Variants in STX17 observed in about 807,000 individuals in gnomAD.
STX17 encodes syntaxin-17.
STX17 carries 29 observed loss-of-function variants against 35.9 expected under a neutral mutation model. That is an observed-to-expected ratio of 0.81 (90% CI 0.60 to 1.10). The LOEUF (loss-of-function observed/expected upper bound fraction) is 1.10. Among genes scored for constraint, STX17 ranks in the 50% least tolerant of loss-of-function variants. The pLI is 0.00. For synonymous variants in STX17, 92 were observed against 118.3 expected (o/e 0.78, Z 1.44); for missense variants, 312 against 352.3 (o/e 0.89, Z 0.92).
intron 2 of STX17, among the ~76,000 whole-genome samples, chr9:99,927,948 A>T (rs150292544): frequency 6.6e-6 from 1 of 152,120 alleles, no homozygotes; most frequent in African/African-American, 2.4e-5. Flanking sequence ...TACTCTTATA[A>T]TGTATGTTTT....
intron 3 of STX17, among the ~76,000 whole-genome samples, chr9:99,948,676 G>T (rs1483391648): frequency 6.6e-6 from 1 of 152,092 alleles, no homozygotes; most frequent in Non-Finnish European, 1.5e-5. Flanking sequence ...TTTAAGTGTT[G>T]ATTAAAATTT....
At chr9:99,915,396 T>C in intron 2 of STX17, 34 bp downstream of exon 2, 1 of 1,568,334 alleles carries the variant, frequency 6.4e-7, no homozygotes, top group Non-Finnish European at 8.6e-7. Context: ...CAAGAAATAG[T>C]TACATAGTTT....
At chr9:99,946,061 C>T (rs1160272561) in intron 3 of STX17, among the ~76,000 whole-genome samples, 5 of 152,082 alleles carry the variant, frequency 3.3e-5, no homozygotes, top group South Asian at 2.1e-4. Context: ...CCAGCCTGGG[C>T]GATAGAGCAA....
Position 99,969,664 on chromosome 9 carries a change from G to A in STX17, c.*991G>A, listed in dbSNP as rs911701069. The A allele has an allele frequency of 6.6e-6, 1 of 152,310 alleles. No individual in the cohort carries two copies. Among genetic ancestry groups the A allele is most frequent in the Non-Finnish European group, 1.5e-5 (1 of 67,990 alleles). The allele number at this position is 152,310 out of a possible 1,614,324, so 9.4% of individuals were successfully genotyped here. A position where few individuals can be genotyped will look rare whatever the true frequency, so the allele number is the denominator to read the frequency against. On this transcript the variant is annotated 3_prime_UTR_variant, in exon 8 of 8. Transcript: ENST00000259400. Reference sequence around the variant, plus strand: ...GGGGCATGTTCCAGTTTTGAGGGGTGATATATCTGCCAGATAGGGGGTATC... The same window carrying A: ...GGGGCATGTTCCAGTTTTGAGGGGTAATATATCTGCCAGATAGGGGGTATC...
At chr9:99,915,124 A>G (rs1260556185) in intron 1 of STX17, 54 bp from the exon 2 acceptor site, 1 of 1,219,324 alleles carries the variant, frequency 8.2e-7, no homozygotes, top group Non-Finnish European at 1.1e-6. Context: ...GTTGGCTTTT[A>G]AAAATAGTGG....
intron 2 of STX17, 55 bp downstream of exon 2, chr9:99,915,417 G>T: frequency 6.6e-7 from 1 of 1,525,756 alleles, no homozygotes; most frequent in South Asian, 1.3e-5. Flanking sequence ...GATTTATATT[G>T]GTTGTTCATT....
intron 2 of STX17, among the ~76,000 whole-genome samples, chr9:99,928,422 A>G (rs947338435): frequency 3.4e-5 from 5 of 147,340 alleles, no homozygotes; most frequent in African/African-American, 5.4e-5. Context: ...CAATAAGAAT[A>G]TCTTATGAAC....
chr9:99,928,113 A>T (rs1829027027), intron 2 of STX17, among the ~76,000 whole-genome samples: 1 of 152,186 alleles, frequency 6.6e-6, no homozygotes, highest in African/African-American at 2.4e-5. Context: ...TCCAATAAAA[A>T]TAACATATGA....
intron 2 of STX17, among the ~76,000 whole-genome samples, chr9:99,922,995 CAAAT>C (rs1455832346): frequency 6.6e-6 from 1 of 152,160 alleles, no homozygotes; most frequent in African/African-American, 2.4e-5. Flanking sequence ...GTGACATTGA[CAAAT>C]AAACCTCTCA....
chr9:99,943,747 A>G (rs1829417584), intron 3 of STX17, among the ~76,000 whole-genome samples: 1 of 152,194 alleles, frequency 6.6e-6, no homozygotes, highest in African/African-American at 2.4e-5. Context: ...AATCTTGTTT[A>G]TAGTGCGTGA....
At chr9:99,952,567 A>G (rs1266550078) in intron 4 of STX17, among the ~76,000 whole-genome samples, 2 of 152,212 alleles carry the variant, frequency 1.3e-5, no homozygotes, top group African/African-American at 4.8e-5. Context: ...GCTGCTATAA[A>G]GACACATGCA....
intron 1 of STX17, among the ~76,000 whole-genome samples, chr9:99,914,448 C>G (rs889566804): frequency 6.6e-6 from 1 of 152,136 alleles, no homozygotes; most frequent in Non-Finnish European, 1.5e-5. Context: ...ACTCTGGCCC[C>G]AAATGCATAC....
At chr9:99,911,858 T>G (rs1828672121) in intron 1 of STX17, among the ~76,000 whole-genome samples, 1 of 152,232 alleles carries the variant, frequency 6.6e-6, no homozygotes, top group Admixed American at 6.5e-5. Context: ...ATTACAGCTA[T>G]GAGCCAGCGT....
At chr9:99,939,445 C>A (rs768487286) in intron 3 of STX17, among the ~76,000 whole-genome samples, 8 of 152,110 alleles carry the variant, frequency 5.3e-5, no homozygotes, top group African/African-American at 1.4e-4. Flanking sequence ...TCTAAAACAT[C>A]GTCAGTTGTA....
intron 6 of STX17, among the ~76,000 whole-genome samples, chr9:99,966,126 A>C (rs934681079): frequency 1.1e-4 from 17 of 152,350 alleles, no homozygotes; most frequent in African/African-American, 3.6e-4. Context: ...GCTTCATCCC[A>C]GGCCTACTGG....
intron 3 of STX17, among the ~76,000 whole-genome samples, chr9:99,943,073 T>C (rs1829398659): frequency 6.6e-6 from 1 of 151,932 alleles, no homozygotes; most frequent in African/African-American, 2.4e-5. Flanking sequence ...AAAGTATCAA[T>C]TAACCTTTTG....
At chr9:99,940,901 A>G (rs956467205) in intron 3 of STX17, among the ~76,000 whole-genome samples, 1 of 152,254 alleles carries the variant, frequency 6.6e-6, no homozygotes, top group Admixed American at 6.5e-5. Flanking sequence ...TTCCTAAAGA[A>G]TCTCTAATCC....
intron 3 of STX17, among the ~76,000 whole-genome samples, chr9:99,941,094 A>G (rs1013044825): frequency 6.6e-6 from 1 of 152,212 alleles, no homozygotes; most frequent in Non-Finnish European, 1.5e-5. Context: ...TAGTGACTAC[A>G]CTTTTCTAGG....
Position 99,959,991 on chromosome 9 carries a change from C to G in STX17, c.490C>G (p.Gln164Glu). Residue 164 changes from glutamine (Q) to glutamate (E), a missense_variant, in exon 5 of 8, where the codon CAA (glutamine) becomes GAA (glutamate). Transcript: ENST00000259400. ...TQIYALPEIP[Q>E]DQNAAESWET... The stretch of plus-strand genomic sequence containing the variant: ...GATATATGCCTTACCTGAAATTCCT[C>G]AAGATCAAAATGCTGCAGAATCGTG... 1 of 1,613,994 alleles carries G rather than the reference C, an allele frequency of 6.2e-7. No homozygotes were observed. Among genetic ancestry groups the G allele is most frequent in the Non-Finnish European group, 8.5e-7 (1 of 1,179,976 alleles).
Sources: gnomAD v4.1 joint callset for allele counts (sites outside exome capture counted in the v4.1 genomes callset) on GRCh38, gnomAD v4.1.1 for gene constraint, MANE v1.5 for transcripts, NCBI Gene and HGNC (gene_info 2026-07-23, HGNC 2026-07-21) for gene names.